NBAS: variants seen among roughly 807,000 people sequenced by gnomAD.
The protein encoded by NBAS is NBAS subunit of NRZ tethering complex.
In NBAS, 219 loss-of-function variants were observed where a neutral mutation model predicts 302.5. That is an observed-to-expected ratio of 0.72 (90% CI 0.65 to 0.81). The LOEUF (loss-of-function observed/expected upper bound fraction) is 0.81. Among genes scored for constraint, NBAS ranks in the 30% least tolerant of loss-of-function variants. The pLI is 0.00. For synonymous variants in NBAS, 1,118 were observed against 1,021.6 expected (o/e 1.09, Z -1.80); for missense variants, 2,932 against 2,841.6 (o/e 1.03, Z -0.72).
intron 8 of NBAS, among the ~76,000 whole-genome samples, chr2:15,535,735 A>G (rs529153926): frequency 1.3e-4 from 20 of 152,312 alleles, no homozygotes; most frequent in Non-Finnish European, 2.6e-4. Context: ...AAGTCTGTAC[A>G]TGTTCAATAC....
chr2:15,245,091 C>A lies in NBAS; in HGVS notation c.5725-6405G>T, dbSNP rs539404102. Among the ~76,000 whole-genome samples the A allele has an allele frequency of 9.9e-5, 15 of 152,236 alleles. No individual in the cohort carries two copies. The East Asian group carries it at 2.5e-3, about 26-fold the overall frequency. On this transcript the variant is annotated intron_variant, in intron 44 of 51. Coordinates refer to ENST00000281513, the MANE Select transcript of NBAS (RefSeq NM_015909.4). ...GGTTGCTTTGTTACTCCAGCACTACCCAGCAGCACGATGGTATCTTAAAAA... is the reference window on the plus strand; with the variant it reads ...GGTTGCTTTGTTACTCCAGCACTACACAGCAGCACGATGGTATCTTAAAAA...
chr2:15,397,451 G>A (rs1388242020), intron 26 of NBAS: 1 of 466,678 alleles, frequency 2.1e-6, no homozygotes, highest in African/African-American at 2.0e-5. Context: ...GGGCTTTGGT[G>A]GGGGTTGTGG....
the NBAS span, among the ~76,000 whole-genome samples, chr2:14,935,085 A>G: frequency 6.6e-6 from 1 of 152,192 alleles, no homozygotes; most frequent in African/African-American, 2.4e-5. Flanking sequence ...CTCTCAGCTT[A>G]GAGAATGATC....
the NBAS span, among the ~76,000 whole-genome samples, chr2:14,780,270 G>A: frequency 6.6e-6 from 1 of 152,208 alleles, no homozygotes; most frequent in African/African-American, 2.4e-5. Context: ...CTATGGGCCT[G>A]TACAAATTAA....
the NBAS span, among the ~76,000 whole-genome samples, chr2:14,993,275 G>T: frequency 6.6e-6 from 1 of 152,132 alleles, no homozygotes; most frequent in Non-Finnish European, 1.5e-5. Context: ...TTACAACACT[G>T]CAGACCTATG....
chr2:14,955,371 C>G, the NBAS span, among the ~76,000 whole-genome samples: 1 of 152,194 alleles, frequency 6.6e-6, no homozygotes, highest in Admixed American at 6.5e-5. Context: ...TTTCCAGGCT[C>G]ATGGTGCAAG....
the NBAS span, among the ~76,000 whole-genome samples, chr2:14,876,948 A>G: frequency 2.6e-5 from 4 of 152,190 alleles, no homozygotes; most frequent in Non-Finnish European, 5.9e-5. Context: ...CAGTTTTATA[A>G]AAGTATCTCC....
chr2:15,247,476 C>G (rs1348936799), intron 44 of NBAS, among the ~76,000 whole-genome samples: 1 of 151,884 alleles, frequency 6.6e-6, no homozygotes, highest in Non-Finnish European at 1.5e-5. Flanking sequence ...TCGGTGTGCT[C>G]TATTCAGGAG....
chr2:14,808,828 G>A, the NBAS span, among the ~76,000 whole-genome samples: 2 of 152,334 alleles, frequency 1.3e-5, no homozygotes, highest in Admixed American at 6.5e-5. Flanking sequence ...GTTTTGTTGA[G>A]TGGCTTTGAG....
chr2:15,067,583 G>A, the NBAS span, among the ~76,000 whole-genome samples: 1 of 152,016 alleles, frequency 6.6e-6, no homozygotes, highest in Non-Finnish European at 1.5e-5. Flanking sequence ...AGTTGCAGAA[G>A]GACAAGCACT....
At chr2:15,430,975 ATT>A (rs1198773951) in intron 21 of NBAS, among the ~76,000 whole-genome samples, 3 of 144,350 alleles carry the variant, frequency 2.1e-5, no homozygotes, top group African/African-American at 2.5e-5. Flanking sequence ...GGCCCGGCTA[ATT>A]TTTTTTTTTT....
the NBAS span, among the ~76,000 whole-genome samples, chr2:15,122,905 G>A: frequency 6.6e-6 from 1 of 152,130 alleles, no homozygotes; most frequent in African/African-American, 2.4e-5. Context: ...CTGAAGGAGG[G>A]CTATTCTGGG....
chr2:15,449,778 AG>A (rs1316976448), intron 21 of NBAS, among the ~76,000 whole-genome samples: 1 of 152,206 alleles, frequency 6.6e-6, no homozygotes, highest in Non-Finnish European at 1.5e-5. Flanking sequence ...AGGAACTGCC[AG>A]CATATTCCAC....
intron 21 of NBAS, among the ~76,000 whole-genome samples, chr2:15,431,961 T>C (rs1288157045): frequency 6.6e-6 from 1 of 152,144 alleles, no homozygotes; most frequent in East Asian, 1.9e-4. Flanking sequence ...ACTTATTCTT[T>C]CGTTAGGTAA....
At chr2:15,109,469 C>G in the NBAS span, among the ~76,000 whole-genome samples, 1 of 152,112 alleles carries the variant, frequency 6.6e-6, no homozygotes, top group African/African-American at 2.4e-5. Flanking sequence ...TGCTATGGAA[C>G]TATGGGGTGC....
chr2:15,336,771 A>G (rs191330950), intron 35 of NBAS, among the ~76,000 whole-genome samples: 142 of 152,276 alleles, frequency 9.3e-4, no homozygotes, highest in Admixed American at 2.2e-3. Flanking sequence ...AGAGTGGGTA[A>G]ATGTTATTTA....
the NBAS span, among the ~76,000 whole-genome samples, chr2:15,049,773 G>A: frequency 8.5e-5 from 13 of 152,172 alleles, 1 homozygote; most frequent in Admixed American, 2.6e-4. Flanking sequence ...GGCCAGCCAC[G>A]CACCCTGCCC....
chr2:15,086,179 C>G, the NBAS span, among the ~76,000 whole-genome samples: 1 of 152,126 alleles, frequency 6.6e-6, no homozygotes. Flanking sequence ...CATAAAAGCC[C>G]CAGGCTGAGC....
At chr2:14,956,694 A>G in the NBAS span, among the ~76,000 whole-genome samples, 1 of 152,190 alleles carries the variant, frequency 6.6e-6, no homozygotes, top group East Asian at 1.9e-4. Flanking sequence ...AGCCCCTTAT[A>G]AAACCATCAG....
Sources: allele counts gnomAD v4.1 joint callset (sites outside exome capture counted in the v4.1 genomes callset), GRCh38; gene constraint gnomAD v4.1.1; transcripts MANE v1.5; gene names NCBI Gene and HGNC (gene_info 2026-07-23, HGNC 2026-07-21).